The following ZNRF2 variants were observed in gnomAD, a reference collection of about 807,000 sequenced individuals.
ZNRF2 encodes E3 ubiquitin-protein ligase ZNRF2.
A neutral mutation model predicts 20.4 loss-of-function variants in ZNRF2; 16 were observed. The observed-to-expected ratio is 0.79, with a 90% confidence interval of 0.53 to 1.19. The LOEUF (loss-of-function observed/expected upper bound fraction) is 1.19, where lower values mean the gene tolerates loss of function less well. Ranked by LOEUF, ZNRF2 falls within the 50% of genes most tolerant of loss-of-function variation. ZNRF2 has a pLI of 0.00. For missense variants in ZNRF2, 363 were observed against 332.4 expected (o/e 1.09, Z -0.72); for synonymous variants, 178 against 144.9 (o/e 1.23, Z -1.64).
intron 1 of ZNRF2, among the ~76,000 whole-genome samples, chr7:30,296,079 G>A (rs1319656208): frequency 6.6e-6 from 1 of 152,126 alleles, no homozygotes. Flanking sequence ...TTCCCAAAAT[G>A]TATTTGATAA....
Position 30,285,085 on chromosome 7 carries a change from A to G in ZNRF2, c.-273A>G. ...CACTTGAGCCGCCCCTTCCTGCTGGAGCCAGCGAGGGGTGCCTGCAGCCGG... is the reference window on the plus strand; with the variant it reads ...CACTTGAGCCGCCCCTTCCTGCTGGGGCCAGCGAGGGGTGCCTGCAGCCGG... On this transcript the variant is annotated 5_prime_UTR_variant, in exon 1 of 5. Coordinates refer to ENST00000323037, the MANE Select transcript of ZNRF2 (RefSeq NM_147128.4). 2.4e-6 allele frequency: 1 copy of G among 412,072 alleles called. No individual in the cohort carries two copies. Among genetic ancestry groups the G allele is most frequent in the African/African-American group, 2.2e-5 (1 of 45,874 alleles). The allele number at this position is 412,072 out of a possible 1,614,324, so 25.5% of individuals were successfully genotyped here.
intron 2 of ZNRF2, among the ~76,000 whole-genome samples, chr7:30,333,406 G>C (rs1237435062): frequency 1.5e-5 from 2 of 136,062 alleles, no homozygotes; most frequent in African/African-American, 2.8e-5. Flanking sequence ...TTTCATTCTT[G>C]TTGCCCAGGC....
chr7:30,345,920 A>G (rs972732936), intron 2 of ZNRF2, among the ~76,000 whole-genome samples: 10 of 152,020 alleles, frequency 6.6e-5, no homozygotes, highest in African/African-American at 2.4e-4. Context: ...TCGCTTATAC[A>G]TGTTTTCTTG....
chr7:30,317,603 G>A (rs1006920589), intron 1 of ZNRF2, among the ~76,000 whole-genome samples: 5 of 152,142 alleles, frequency 3.3e-5, no homozygotes, highest in African/African-American at 9.7e-5. Flanking sequence ...GGGAAATAGT[G>A]GGAAAGCCTT....
chr7:30,324,269 C>T (rs1342699515), intron 2 of ZNRF2, among the ~76,000 whole-genome samples: 1 of 151,654 alleles, frequency 6.6e-6, no homozygotes, highest in Non-Finnish European at 1.5e-5. Context: ...CACAGTGGCT[C>T]ACACCTGTAA....
chr7:30,362,254 T>C (rs1005432604), intron 3 of ZNRF2, 123 bp from the exon 4 acceptor site: 4 of 558,912 alleles, frequency 7.2e-6, no homozygotes, highest in South Asian at 4.3e-5. Flanking sequence ...ATGCCAAATA[T>C]AATTTAAAAT....
chr7:30,293,961 GAAGA>G (rs201739576), intron 1 of ZNRF2, among the ~76,000 whole-genome samples: 5,646 of 152,180 alleles, frequency 0.037, 168 homozygotes, highest in Non-Finnish European at 0.056. Flanking sequence ...AGGAAAAAAA[GAAGA>G]ATGAAGCCAT....
chr7:30,292,389 C>A (rs1798927162), intron 1 of ZNRF2, among the ~76,000 whole-genome samples: 2 of 152,028 alleles, frequency 1.3e-5, no homozygotes, highest in South Asian at 4.2e-4. Context: ...AAAAATCACT[C>A]AAATATTTAA....
chr7:30,360,485 C>G (rs990364674), intron 3 of ZNRF2, among the ~76,000 whole-genome samples: 2 of 151,782 alleles, frequency 1.3e-5, no homozygotes, highest in Non-Finnish European at 2.9e-5. Context: ...CACCTGAGTT[C>G]AAGACCAGCC....
chr7:30,360,199 C>T (rs903099758), intron 3 of ZNRF2, among the ~76,000 whole-genome samples: 2 of 152,180 alleles, frequency 1.3e-5, no homozygotes, highest in African/African-American at 2.4e-5. Context: ...TAAATCAACA[C>T]TATGCTTCTT....
intron 1 of ZNRF2, among the ~76,000 whole-genome samples, chr7:30,301,178 A>G (rs993647628): frequency 2.6e-5 from 4 of 152,140 alleles, no homozygotes; most frequent in African/African-American, 9.7e-5. Flanking sequence ...ATGGGAAGAG[A>G]GTGTTTTTAA....
At chr7:30,360,872 T>C (rs1048682113) in intron 3 of ZNRF2, among the ~76,000 whole-genome samples, 1 of 152,196 alleles carries the variant, frequency 6.6e-6, no homozygotes, top group Non-Finnish European at 1.5e-5. Flanking sequence ...TATATAGTTA[T>C]ATAGAGTAAG....
At chr7:30,320,920 A>G (rs1010286606) in intron 1 of ZNRF2, among the ~76,000 whole-genome samples, 3 of 152,174 alleles carry the variant, frequency 2.0e-5, no homozygotes, top group African/African-American at 7.2e-5. Context: ...CTTTATGTGC[A>G]AAGATAAGGC....
At chr7:30,321,416 T>TG (rs1177673268) in intron 1 of ZNRF2, among the ~76,000 whole-genome samples, 2 of 152,160 alleles carry the variant, frequency 1.3e-5, no homozygotes, top group African/African-American at 4.8e-5. Context: ...TTTTCTCATT[T>TG]GCTGCCGACT....
At chr7:30,359,459 G>A (rs1392224859) in intron 3 of ZNRF2, among the ~76,000 whole-genome samples, 3 of 152,128 alleles carry the variant, frequency 2.0e-5, no homozygotes, top group Non-Finnish European at 2.9e-5. Context: ...TGGTAAATGG[G>A]AGAGTGAAGA....
intron 2 of ZNRF2, among the ~76,000 whole-genome samples, chr7:30,343,063 T>TGG (rs1376682407): frequency 6.6e-6 from 1 of 152,144 alleles, no homozygotes; most frequent in Non-Finnish European, 1.5e-5. Flanking sequence ...AAAGGTCCTT[T>TGG]GGGAGGACAA....
chr7:30,345,944 T>G (rs1799869681), intron 2 of ZNRF2, among the ~76,000 whole-genome samples: 1 of 152,070 alleles, frequency 6.6e-6, no homozygotes, highest in African/African-American at 2.4e-5. Flanking sequence ...TCTGCTGTTG[T>G]TTACACTCTT....
intron 1 of ZNRF2, among the ~76,000 whole-genome samples, chr7:30,287,019 C>A (rs1310087878): frequency 6.6e-6 from 1 of 152,160 alleles, no homozygotes; most frequent in Non-Finnish European, 1.5e-5. Context: ...TTCATTTTTC[C>A]CATTTTTTTA....
rs1800228672 is a variant in ZNRF2, at chr7:30,367,093, A to T, written c.*1081A>T. 1 of 152,556 alleles carries T rather than the reference A, an allele frequency of 6.6e-6. No individual in the cohort carries two copies. The highest frequency in any genetic ancestry group is 2.4e-5 in the African/African-American group (1 of 41,452). 9.5% of individuals were successfully genotyped at this position (152,556 alleles called of 1,614,324 possible). ...GTAATTTAATTGGGATGCCAGGTTT[A>T]TAGCAATTTGCAACTTTAATTTTCC... is the stretch of plus-strand genomic sequence containing the variant. On this transcript the variant is annotated 3_prime_UTR_variant, in exon 5 of 5. Coordinates refer to ENST00000323037, the MANE Select transcript of ZNRF2 (RefSeq NM_147128.4).
Sources: gnomAD v4.1 joint callset for allele counts (sites outside exome capture counted in the v4.1 genomes callset) on GRCh38, gnomAD v4.1.1 for gene constraint, MANE v1.5 for transcripts, NCBI Gene and HGNC (gene_info 2026-07-23, HGNC 2026-07-21) for gene names.